The following COL5A2 variants were observed in gnomAD, a reference collection of about 807,000 sequenced individuals.
The protein encoded by COL5A2 is collagen type V alpha 2 chain.
COL5A2 carries 23 observed loss-of-function variants against 208.2 expected under a neutral mutation model. That is an observed-to-expected ratio of 0.11 (90% CI 0.08 to 0.16). The LOEUF is 0.16. Among genes scored for constraint, COL5A2 ranks in the 10% least tolerant of loss-of-function variants. COL5A2 has a pLI of 1.00. For missense variants in COL5A2, 1,590 were observed against 1,956.4 expected, an observed-to-expected ratio of 0.81 and a Z score of 3.53; for synonymous variants, 625 against 628.5, an observed-to-expected ratio of 0.99 and a Z score of 0.08.
chr2:189,262,502 C>T, the COL5A2 span, among the ~76,000 whole-genome samples: 3 of 152,012 alleles, frequency 2.0e-5, no homozygotes, highest in Non-Finnish European at 2.9e-5. Flanking sequence ...TAAAACTGAT[C>T]ACGAAGAGAA....
At chr2:189,359,527 T>G in the COL5A2 span, among the ~76,000 whole-genome samples, 1 of 152,184 alleles carries the variant, frequency 6.6e-6, no homozygotes, top group Non-Finnish European at 1.5e-5. Flanking sequence ...GCCTGTAGCT[T>G]TCGTTTTTGG....
the COL5A2 span, among the ~76,000 whole-genome samples, chr2:189,259,560 A>G: frequency 6.6e-6 from 1 of 152,168 alleles, no homozygotes; most frequent in Non-Finnish European, 1.5e-5. Context: ...TTACAATAAC[A>G]AATTCGACAT....
At chr2:189,142,723 G>T (rs936533050) in intron 1 of COL5A2, among the ~76,000 whole-genome samples, 8 of 151,870 alleles carry the variant, frequency 5.3e-5, no homozygotes, top group Admixed American at 3.3e-4. Flanking sequence ...CATAGCTATC[G>T]AAACTTCTTC....
intron 12 of COL5A2, among the ~76,000 whole-genome samples, chr2:189,083,128 A>C (rs1686573244): frequency 6.6e-6 from 1 of 152,216 alleles, no homozygotes; most frequent in Non-Finnish European, 1.5e-5. Context: ...GAAATATAAT[A>C]AATGGGAGAG....
In COL5A2 at chr2:189,079,125, T is replaced by C. The variant is rs1686478460; in HGVS notation, c.961-18A>G. On this transcript the variant is annotated intron_variant, in intron 14 of 53. Transcript: ENST00000374866. ...GCTTCACCCTAAAAAAAAATGAGAATACATTACAGTATGAGAAGCCTACAA... is the reference window on the plus strand; with the variant it reads ...GCTTCACCCTAAAAAAAAATGAGAACACATTACAGTATGAGAAGCCTACAA... 1.2e-6 allele frequency: 2 copies of C among 1,600,878 alleles called. No individual in the cohort carries two copies. The highest frequency in any genetic ancestry group is 1.7e-6 in the Non-Finnish European group (2 of 1,168,262).
At chr2:189,373,738 G>A in the COL5A2 span, among the ~76,000 whole-genome samples, 1 of 152,158 alleles carries the variant, frequency 6.6e-6, no homozygotes, top group African/African-American at 2.4e-5. Context: ...AATCCAGTAT[G>A]AGAAACTTAG....
At chr2:189,206,688 A>G (rs576178186) in intron 1 of COL5A2, among the ~76,000 whole-genome samples, 23 of 152,250 alleles carry the variant, frequency 1.5e-4, no homozygotes, top group African/African-American at 5.5e-4. Context: ...ACCTATTCAC[A>G]CTGAGAGCAA....
chr2:189,033,555 G>GGTGGTCGCCGT lies in COL5A2; in HGVS notation c.*514_*515insACGGCGACCAC. 1.2e-5 allele frequency: 2 copies of GGTGGTCGCCGT among 167,372 alleles called. No individual in the cohort carries two copies. Among genetic ancestry groups the GGTGGTCGCCGT allele is most frequent in the Admixed American group, 5.7e-5 (1 of 17,682 alleles). The allele number at this position is 167,372 out of a possible 1,614,324, so 10.4% of individuals were successfully genotyped here. A position where few individuals can be genotyped will look rare whatever the true frequency, so the allele number is the denominator to read the frequency against. On this transcript the variant is annotated 3_prime_UTR_variant, in exon 54 of 54. Coordinates refer to ENST00000374866, the MANE Select transcript of COL5A2 (RefSeq NM_000393.5). The stretch of plus-strand genomic sequence containing the variant: ...ATATCAAGACATGCATGTAGGTCTC[G>GGTGGTCGCCGT]ATCACAAGTTAAACATTTTAAACTC...
At chr2:189,247,677 T>A in the COL5A2 span, among the ~76,000 whole-genome samples, 1 of 151,578 alleles carries the variant, frequency 6.6e-6, no homozygotes, top group Admixed American at 6.6e-5. Context: ...CCTCCTGGAC[T>A]CAAGTGATTC....
the COL5A2 span, among the ~76,000 whole-genome samples, chr2:189,348,925 A>C: frequency 6.6e-6 from 1 of 152,204 alleles, no homozygotes; most frequent in Non-Finnish European, 1.5e-5. Flanking sequence ...TTAGCTGTGC[A>C]AGATGCTCTA....
intron 1 of COL5A2, among the ~76,000 whole-genome samples, chr2:189,152,443 CA>C (rs1688163407): frequency 6.6e-6 from 1 of 152,176 alleles, no homozygotes; most frequent in African/African-American, 2.4e-5. Flanking sequence ...TGGCCATACA[CA>C]CAATGTATGT....
At chr2:189,283,835 A>G in the COL5A2 span, among the ~76,000 whole-genome samples, 1 of 152,196 alleles carries the variant, frequency 6.6e-6, no homozygotes, top group East Asian at 1.9e-4. Flanking sequence ...TTAGAAGTTT[A>G]TTTTTAAAAT....
At chr2:189,307,744 A>G in the COL5A2 span, among the ~76,000 whole-genome samples, 1 of 152,216 alleles carries the variant, frequency 6.6e-6, no homozygotes, top group Non-Finnish European at 1.5e-5. Context: ...ATATCTTGAT[A>G]TCTTGAGAAC....
At chr2:189,434,796 T>G in the COL5A2 span, among the ~76,000 whole-genome samples, 1 of 152,182 alleles carries the variant, frequency 6.6e-6, no homozygotes, top group East Asian at 1.9e-4. Context: ...AAGCTACCAA[T>G]GATTTTCTTC....
At chr2:189,225,645 A>G (rs1313629219), upstream of COL5A2, among the ~76,000 whole-genome samples, 1 of 152,186 alleles carries the variant, frequency 6.6e-6, no homozygotes, top group Non-Finnish European at 1.5e-5. Context: ...TTCAGCAAAA[A>G]GAGATATTTT....
At chr2:189,286,787 T>C in the COL5A2 span, among the ~76,000 whole-genome samples, 1 of 152,210 alleles carries the variant, frequency 6.6e-6, no homozygotes, top group Non-Finnish European at 1.5e-5. Context: ...GAATTAGTTT[T>C]GTCTGTGATT....
At chr2:189,322,293 CA>C in the COL5A2 span, among the ~76,000 whole-genome samples, 2 of 152,080 alleles carry the variant, frequency 1.3e-5, no homozygotes, top group African/African-American at 4.8e-5. Flanking sequence ...CAAACACATT[CA>C]AAAGCTAACA....
At chr2:189,351,961 T>A in the COL5A2 span, among the ~76,000 whole-genome samples, 1 of 148,264 alleles carries the variant, frequency 6.7e-6, no homozygotes, top group South Asian at 2.2e-4. Flanking sequence ...CTCCCCCAGC[T>A]CCCACCCTCA....
the COL5A2 span, among the ~76,000 whole-genome samples, chr2:189,270,090 T>G: frequency 1.3e-5 from 2 of 152,212 alleles, no homozygotes; most frequent in Non-Finnish European, 2.9e-5. Flanking sequence ...ATTCCCTTTA[T>G]CATTTTTTAT....
Sources: gnomAD v4.1 joint callset for allele counts (sites outside exome capture counted in the v4.1 genomes callset) on GRCh38, gnomAD v4.1.1 for gene constraint, MANE v1.5 for transcripts, NCBI Gene and HGNC (gene_info 2026-07-23, HGNC 2026-07-21) for gene names.